The following MAPKAP1 variants were observed in gnomAD, a reference collection of about 807,000 sequenced individuals.
The protein encoded by MAPKAP1 is target of rapamycin complex 2 subunit MAPKAP1.
MAPKAP1 carries 20 observed loss-of-function variants against 65.7 expected under a neutral mutation model. That is an observed-to-expected ratio of 0.30 (90% CI 0.21 to 0.44). The LOEUF is 0.44. MAPKAP1 is among the 20% of genes least tolerant of loss of function. The pLI is 1.00. For missense variants in MAPKAP1, 423 were observed against 648.0 expected (o/e 0.65, Z 3.77); for synonymous variants, 222 against 244.3 (o/e 0.91, Z 0.85).
Position 125,595,902 on chromosome 9 carries a change from T to G in MAPKAP1, c.499-10175A>C, listed in dbSNP as rs1589324139. 8.0e-7 allele frequency: 1 copy of G among 1,243,214 alleles called. No homozygotes were observed. The allele number at this position is 1,243,214 out of a possible 1,614,324, so 77.0% of individuals were successfully genotyped here. A position where few individuals can be genotyped will look rare whatever the true frequency, so the allele number is the denominator to read the frequency against. ...GCCATGAATGCAAGGCCACACAAGG[T>G]GGATCGGAGTTGTGGAACCAAAGAG... On this transcript the variant is annotated intron_variant, in intron 4 of 11. Coordinates refer to ENST00000265960, the MANE Select transcript of MAPKAP1 (RefSeq NM_001006617.3). This position sits in a 1 kb window ranked among gnomAD's most constrained non-coding sequence, Gnocchi z 4.0.
At chr9:125,648,239 C>T (rs1440968273) in intron 4 of MAPKAP1, among the ~76,000 whole-genome samples, 1 of 152,220 alleles carries the variant, frequency 6.6e-6, no homozygotes, top group Non-Finnish European at 1.5e-5. Context: ...CTTTCTCTCT[C>T]TCAGCCTGTT....
intron 7 of MAPKAP1, among the ~76,000 whole-genome samples, chr9:125,514,891 C>T (rs770429628): frequency 2.0e-5 from 3 of 152,100 alleles, no homozygotes; most frequent in African/African-American, 7.2e-5. Context: ...ACGCTGATGC[C>T]GTCCGTATCA....
chr9:125,591,963 T>G (rs1411961752), intron 4 of MAPKAP1, among the ~76,000 whole-genome samples: 1 of 152,314 alleles, frequency 6.6e-6, no homozygotes, highest in South Asian at 2.1e-4. Flanking sequence ...CATACAGGAC[T>G]GGGGAAATGG....
chr9:125,632,222 AAAG>A (rs1833304547), intron 4 of MAPKAP1, among the ~76,000 whole-genome samples: 1 of 44,282 alleles, frequency 2.3e-5, no homozygotes, highest in South Asian at 1.4e-3. Context: ...ACTCCGTCTC[AAAG>A]AAAAAAAAAA....
intron 4 of MAPKAP1, among the ~76,000 whole-genome samples, chr9:125,629,399 C>T (rs904079318): frequency 6.6e-6 from 1 of 152,158 alleles, no homozygotes; most frequent in African/African-American, 2.4e-5. Context: ...TGTGTATATA[C>T]AATGGAACAT....
intron 6 of MAPKAP1, among the ~76,000 whole-genome samples, chr9:125,545,098 G>A (rs550935275): frequency 7.0e-4 from 107 of 152,320 alleles, no homozygotes; most frequent in Non-Finnish European, 1.2e-3. Context: ...CCTGAGAACT[G>A]TCAAGCTAAT....
At chr9:125,617,334 G>A (rs558504822) in intron 4 of MAPKAP1, among the ~76,000 whole-genome samples, 1 of 152,276 alleles carries the variant, frequency 6.6e-6, no homozygotes, top group East Asian at 1.9e-4. Context: ...GGTGGCAAGT[G>A]CCTAGCGTCC....
At chr9:125,615,845 CG>C (rs1253453828) in intron 4 of MAPKAP1, among the ~76,000 whole-genome samples, 1 of 150,114 alleles carries the variant, frequency 6.7e-6, no homozygotes, top group African/African-American at 2.5e-5. Flanking sequence ...GTTGCAGAGG[CG>C]GATGTTGCAG....
chr9:125,661,410 CA>C (rs1449417135), intron 3 of MAPKAP1, among the ~76,000 whole-genome samples: 3 of 152,098 alleles, frequency 2.0e-5, no homozygotes, highest in African/African-American at 7.2e-5. Flanking sequence ...AGCCTGAAAA[CA>C]AACAAACATC....
intron 6 of MAPKAP1, among the ~76,000 whole-genome samples, chr9:125,547,197 G>T (rs976625831): frequency 6.6e-6 from 1 of 152,146 alleles, no homozygotes; most frequent in African/African-American, 2.4e-5. Flanking sequence ...CGAACCCAAC[G>T]CAAGCAGGCT....
chr9:125,551,380 A>T (rs1305198828), intron 6 of MAPKAP1, among the ~76,000 whole-genome samples: 2 of 152,140 alleles, frequency 1.3e-5, no homozygotes, highest in African/African-American at 2.4e-5. Flanking sequence ...ACGCCTCTTT[A>T]AAAAAGCAGC....
intron 4 of MAPKAP1, chr9:125,596,385 A>C: frequency 1.2e-6 from 1 of 815,472 alleles, no homozygotes; most frequent in East Asian, 2.4e-5. Context: ...TGGTGGCAGT[A>C]GGGATGGCTA....
chr9:125,686,196 G>A (rs145445750), intron 1 of MAPKAP1, among the ~76,000 whole-genome samples: 2 of 151,274 alleles, frequency 1.3e-5, no homozygotes, highest in East Asian at 3.9e-4. Flanking sequence ...GGTGGTGGGC[G>A]CCTGTACTCC....
chr9:125,658,157 T>G (rs1270756239), intron 3 of MAPKAP1, among the ~76,000 whole-genome samples: 1 of 152,210 alleles, frequency 6.6e-6, no homozygotes, highest in Admixed American at 6.5e-5. Flanking sequence ...TAAACCTTTC[T>G]GGGCTTGTCA....
intron 8 of MAPKAP1, among the ~76,000 whole-genome samples, chr9:125,498,159 GT>G (rs1438798474): frequency 6.6e-6 from 1 of 152,194 alleles, no homozygotes; most frequent in Non-Finnish European, 1.5e-5. Flanking sequence ...ACTTTGGCTT[GT>G]CATTTTCTTA....
chr9:125,653,310 C>G (rs1365753216), intron 4 of MAPKAP1, among the ~76,000 whole-genome samples: 1 of 152,048 alleles, frequency 6.6e-6, no homozygotes, highest in East Asian at 1.9e-4. Flanking sequence ...AAACGAAGAC[C>G]CAAGAAACTG....
At chr9:125,618,214 C>T (rs1289567525) in intron 4 of MAPKAP1, among the ~76,000 whole-genome samples, 1 of 151,784 alleles carries the variant, frequency 6.6e-6, no homozygotes, top group Middle Eastern at 3.4e-3. Flanking sequence ...TGGTGGCACG[C>T]ACCTGTAGTC....
intron 8 of MAPKAP1, among the ~76,000 whole-genome samples, 179 bp from the exon 9 acceptor site, chr9:125,484,762 T>C (rs1854440082): frequency 6.6e-6 from 1 of 152,178 alleles, no homozygotes; most frequent in Admixed American, 6.5e-5. Context: ...ATATTAATCA[T>C]TCAACAATTA....
chr9:125,590,625 G>A (rs948995939), intron 4 of MAPKAP1, among the ~76,000 whole-genome samples: 11 of 151,764 alleles, frequency 7.2e-5, no homozygotes, highest in East Asian at 3.9e-4. Flanking sequence ...ACTCCAGCCC[G>A]GGCAACAAGA....
Sources: gnomAD v4.1 joint callset for allele counts (sites outside exome capture counted in the v4.1 genomes callset) on GRCh38, gnomAD v4.1.1 for gene constraint, Gnocchi (gnomAD v3.1) non-coding constraint, MANE v1.5 for transcripts, NCBI Gene and HGNC (gene_info 2026-07-23, HGNC 2026-07-21) for gene names.